The following TMEM44 variants were observed in gnomAD, a reference collection of about 807,000 sequenced individuals.
TMEM44 encodes transmembrane protein 44.
TMEM44 carries 43 observed loss-of-function variants against 47.8 expected under a neutral mutation model. The observed-to-expected ratio is 0.90, with a 90% confidence interval of 0.70 to 1.16. TMEM44 has a LOEUF of 1.16. Among genes scored for constraint, TMEM44 ranks in the 50% most tolerant of loss-of-function variants. The pLI, the probability that TMEM44 is intolerant of heterozygous loss-of-function variation, is 0.00. For synonymous variants in TMEM44, 277 were observed against 238.8 expected (o/e 1.16, Z -1.48); for missense variants, 568 against 555.2 (o/e 1.02, Z -0.23).
At chr3:194,603,483 C>T (rs1714393270) in intron 9 of TMEM44, among the ~76,000 whole-genome samples, 1 of 151,982 alleles carries the variant, frequency 6.6e-6, no homozygotes, top group Non-Finnish European at 1.5e-5. Context: ...CTGTAATTTC[C>T]ACCTCCCGGG....
chr3:194,605,569 A>G (rs1218974242), intron 8 of TMEM44, among the ~76,000 whole-genome samples: 1 of 152,186 alleles, frequency 6.6e-6, no homozygotes, highest in African/African-American at 2.4e-5. Context: ...GCTCCTCTTT[A>G]TAAAACCATC....
chr3:194,615,666 T>C lies in TMEM44; in HGVS notation c.815A>G (p.Lys272Arg). The C allele has an allele frequency of 6.2e-7, 1 of 1,614,150 alleles. No individual in the cohort carries two copies. ...IIFLSCVMKS[K>R]MRQALGFAKE... ...GGCAAATCCTAAGGCCTGTCTCATC[T>C]TGCTCTTCATCACACACGAAAGGAA... The change falls in exon 7 of 10, where the codon AAG (lysine) becomes AGG (arginine). Residue 272 changes from lysine to arginine, a missense_variant. Lys to Arg is a conservative substitution (Grantham distance 26, BLOSUM62 2). Coordinates refer to ENST00000347147, the MANE Select transcript of TMEM44 (RefSeq NM_001011655.3).
intron 3 of TMEM44, among the ~76,000 whole-genome samples, chr3:194,624,727 C>CT (rs111905771): frequency 0.36 from 53,635 of 148,706 alleles, 10,021 homozygotes; most frequent in Non-Finnish European, 0.42. Context: ...TGGTTCATCC[C>CT]CTTTTTTTTT....
At chr3:194,619,968 G>A (rs1441509044) in intron 5 of TMEM44, among the ~76,000 whole-genome samples, 1 of 152,128 alleles carries the variant, frequency 6.6e-6, no homozygotes, top group African/African-American at 2.4e-5. Flanking sequence ...GCACTGTACA[G>A]TGTCTTACCC....
At chr3:194,607,035 G>A (rs1714858775) in intron 8 of TMEM44, among the ~76,000 whole-genome samples, 1 of 152,034 alleles carries the variant, frequency 6.6e-6, no homozygotes, top group African/African-American at 2.4e-5. Flanking sequence ...CTATGGTTTG[G>A]ATGTGGTTTG....
At position 194,624,446 on chromosome 3, in the gene TMEM44, G is replaced by A. The variant is rs138625807; in HGVS notation, c.359-751C>T. Among the ~76,000 whole-genome samples, 492 of 151,838 alleles carry A rather than the reference G, an allele frequency of 3.2e-3. 1 individual carries two copies. Among genetic ancestry groups the A allele is most frequent in the African/African-American group, 0.011 (437 of 41,386 alleles). On this transcript the variant is annotated intron_variant, in intron 3 of 9. Coordinates refer to ENST00000347147, the MANE Select transcript of TMEM44 (RefSeq NM_001011655.3). The stretch of plus-strand genomic sequence containing the variant: ...GATTCATTTATTATTTTTGAGACAG[G>A]GTCTCGCTGTCACCCAGGCTGGAGT...
chr3:194,589,962 AC>A (rs1365990401), intron 9 of TMEM44: 2 of 152,196 alleles, frequency 1.3e-5, no homozygotes, highest in African/African-American at 4.8e-5. Flanking sequence ...ATTTGACAGT[AC>A]TAGGAAACCC....
intron 3 of TMEM44, among the ~76,000 whole-genome samples, chr3:194,625,435 G>T (rs1036615830): frequency 8.5e-6 from 1 of 117,590 alleles, no homozygotes; most frequent in African/African-American, 3.1e-5. Flanking sequence ...TTTTTTGGGG[G>T]GGGGGGGTTG....
chr3:194,606,793 C>A (rs1560172971), intron 8 of TMEM44, among the ~76,000 whole-genome samples: 1 of 151,560 alleles, frequency 6.6e-6, no homozygotes, highest in Admixed American at 6.6e-5. Flanking sequence ...TACACACACA[C>A]AAAATAGCCA....
chr3:194,626,050 GT>G, intron 2 of TMEM44, 60 bp from the exon 3 acceptor site: 5 of 1,363,654 alleles, frequency 3.7e-6, no homozygotes, highest in African/African-American at 2.9e-5. Context: ...CCCCTACAGA[GT>G]TTGTCATCCG....
chr3:194,611,632 T>C lies in TMEM44; in HGVS notation c.913-612A>G, dbSNP rs1241109818. On this transcript the variant is annotated intron_variant, in intron 7 of 9. Coordinates refer to ENST00000347147, the MANE Select transcript of TMEM44 (RefSeq NM_001011655.3). This position sits in a 1 kb window ranked among gnomAD's most constrained non-coding sequence, Gnocchi z 4.2. ...GATGATTCTAACGTGCGGCCAAGTT[T>C]GCGAACCACTGCAATAGGTGCCCAA... 6.6e-6 allele frequency among the ~76,000 whole-genome samples: 1 copy of C among 152,226 alleles called. No homozygotes were observed. The highest frequency in any genetic ancestry group is 2.4e-5 in the African/African-American group (1 of 41,462).
intron 2 of TMEM44, among the ~76,000 whole-genome samples, chr3:194,627,990 A>G (rs1277482159): frequency 2.0e-5 from 3 of 151,866 alleles, no homozygotes; most frequent in Non-Finnish European, 4.4e-5. Flanking sequence ...AAAAACAAAC[A>G]AGCAAAAAAA....
chr3:194,595,036 C>G (rs1197071737), intron 9 of TMEM44, among the ~76,000 whole-genome samples: 1 of 152,132 alleles, frequency 6.6e-6, no homozygotes, highest in Non-Finnish European at 1.5e-5. Flanking sequence ...TAGTCTTTTC[C>G]CTGTTTCAAG....
Position 194,623,233 on chromosome 3 carries a change from G to C in TMEM44, c.603C>G (p.Leu201=). The change falls in exon 5 of 10, where the codon CTC becomes CTG. Residue 201 remains leucine (L), a synonymous_variant. Transcript: ENST00000347147. ...CCACCCCCGGCCTCACAATTCTGGA[G>C]AGAGGGGGGATCCGAGAAGCCCAGG... The part of the protein sequence containing the change: ...FGSWASRIPP[L]SRICRGKTFP... 1.2e-6 allele frequency: 2 copies of C among 1,609,892 alleles called. No individual in the cohort carries two copies. The highest frequency in any genetic ancestry group is 1.7e-6 in the Non-Finnish European group (2 of 1,178,228).
At position 194,623,567 on chromosome 3, in the gene TMEM44, G is replaced by C. The variant is rs751359231; in HGVS notation, c.487C>G (p.Arg163Gly). The C allele has an allele frequency of 2.5e-6, 4 of 1,608,816 alleles. No individual in the cohort carries two copies. Among genetic ancestry groups the C allele is most frequent in the East Asian group, 4.5e-5 (2 of 44,798 alleles). ...GCTAGCAGCCTCCGCTGTGGCCCCC[G>C]GATGGTGGCTGAAGCCTTCGGGACA... ...VAVPKASATI[R>G]GPQRRLLASL... Residue 163 changes from arginine to glycine, a missense_variant, in exon 4 of 10, where the codon CGG (arginine) becomes GGG (glycine). By Grantham distance (125) the Arg-to-Gly change is moderately radical. Coordinates refer to ENST00000347147, the MANE Select transcript of TMEM44 (RefSeq NM_001011655.3).
At chr3:194,594,903 C>T (rs1422711245) in intron 9 of TMEM44, among the ~76,000 whole-genome samples, 1 of 152,016 alleles carries the variant, frequency 6.6e-6, no homozygotes, top group Non-Finnish European at 1.5e-5. Flanking sequence ...TGGGAATAGT[C>T]AGTATTTTTA....
In TMEM44 at chr3:194,617,179, G is replaced by T. The variant is rs753610959; in HGVS notation, c.703C>A (p.His235Asn). 6.4e-7 allele frequency: 1 copy of T among 1,554,462 alleles called. No individual in the cohort carries two copies. The highest frequency in any genetic ancestry group is 2.4e-5 in the East Asian group (1 of 41,400). Reference sequence around the variant, plus strand: ...AGCAGGTACTCAGGGTGCTGGTCGTGGGCCACAATGGCCGAGGCATAGAGG... The same window carrying T: ...AGCAGGTACTCAGGGTGCTGGTCGTTGGCCACAATGGCCGAGGCATAGAGG... ...GLLYASAIVA[H>N]DQHPEYLLRA... The change falls in exon 6 of 10, where the codon CAC becomes AAC. Residue 235 changes from histidine to asparagine, a missense_variant. Coordinates refer to ENST00000347147, the MANE Select transcript of TMEM44 (RefSeq NM_001011655.3).
At chr3:194,621,150 A>G (rs1716494676) in intron 5 of TMEM44, among the ~76,000 whole-genome samples, 1 of 152,150 alleles carries the variant, frequency 6.6e-6, no homozygotes, top group Non-Finnish European at 1.5e-5. Flanking sequence ...GTCCCATTCC[A>G]ATGTCCTTAT....
chr3:194,605,740 G>T (rs979152274), intron 8 of TMEM44, among the ~76,000 whole-genome samples: 7 of 152,164 alleles, frequency 4.6e-5, no homozygotes, highest in African/African-American at 1.7e-4. Flanking sequence ...AAAGAAAGTT[G>T]TCCTCTCTGA....
Sources: allele counts gnomAD v4.1 joint callset (sites outside exome capture counted in the v4.1 genomes callset), GRCh38; gene constraint gnomAD v4.1.1; non-coding constraint Gnocchi (gnomAD v3.1); transcripts MANE v1.5; gene names NCBI Gene and HGNC (gene_info 2026-07-23, HGNC 2026-07-21).